MYO15A: variants seen among roughly 807,000 people sequenced by gnomAD.
MYO15A encodes the protein unconventional myosin-XV.
MYO15A carries 308 observed loss-of-function variants against 394.6 expected under a neutral mutation model. That is an observed-to-expected ratio of 0.78 (90% CI 0.71 to 0.86). MYO15A has a LOEUF of 0.86. Ranked by LOEUF, MYO15A falls within the 40% of genes least tolerant of loss-of-function variation. The probability of loss-of-function intolerance (pLI) is 0.00; values close to 1 mark genes in which losing one functional copy is unlikely to be tolerated. For missense variants in MYO15A, 4,606 were observed against 4,799.1 expected, an observed-to-expected ratio of 0.96 and a Z score of 1.19; for synonymous variants, 1,957 against 2,003.8, an observed-to-expected ratio of 0.98 and a Z score of 0.62.
chr17:18,124,450 AACCTGCAG>A, intron 2 of MYO15A, 25 bp from the exon 3 acceptor site: 1 of 1,603,496 alleles, frequency 6.2e-7, no homozygotes, highest in Non-Finnish European at 8.5e-7. Flanking sequence ...GGTGCCCTTC[AACCTGCAG>A]ACACAGCCTC....
Position 18,145,954 on chromosome 17 carries a change from C to T in MYO15A, c.6356C>T (p.Ala2119Val), listed in dbSNP as rs370756193. 36 of 1,613,740 alleles carry T rather than the reference C, an allele frequency of 2.2e-5. No individual in the cohort carries two copies. Among genetic ancestry groups the T allele is most frequent in the Middle Eastern group, 1.6e-4 (1 of 6,062 alleles). Reference sequence around the variant, plus strand: ...AACTACATCGTGCAGAAGGGGCTGGCGGTGCCTGAGCTGCGGGATGAGATC... The same window carrying T: ...AACTACATCGTGCAGAAGGGGCTGGTGGTGCCTGAGCTGCGGGATGAGATC... ...FGNYIVQKGL[A>V]VPELRDEILA... is the part of the protein sequence containing the mutation. Residue 2119 changes from alanine to valine, a missense_variant, in exon 30 of 66, where the codon GCG becomes GTG. This residue lies in a region of MYO15A where 2,776 missense variants were observed against 3,109.3 expected (regional missense o/e 0.89). Transcript: ENST00000647165.
intron 2 of MYO15A, 117 bp from the exon 3 acceptor site, chr17:18,124,366 G>T (rs576293283): frequency 2.0e-6 from 2 of 1,010,050 alleles, no homozygotes; most frequent in Non-Finnish European, 3.0e-6. Flanking sequence ...GGACCCACCT[G>T]GCCTTGGGGT....
chr17:18,147,938 G>A lies in MYO15A; in HGVS notation c.6510-91G>A, dbSNP rs2046507901. ...AGTAGCCTGGGCCTTTCTCAGACTA[G>A]CCTCAGAATTTCCTACCCCCACCCC... On this transcript the variant is annotated intron_variant, in intron 30 of 65. Transcript: ENST00000647165. This position sits in a 1 kb window ranked among gnomAD's most constrained non-coding sequence, Gnocchi z 4.4. The A allele has an allele frequency of 1.3e-6, 2 of 1,509,792 alleles. No individual in the cohort carries two copies. The highest frequency in any genetic ancestry group is 1.8e-6 in the Non-Finnish European group (2 of 1,088,494). 93.5% of individuals were successfully genotyped at this position (1,509,792 alleles called of 1,614,324 possible). A position where few individuals can be genotyped will look rare whatever the true frequency, so the allele number is the denominator to read the frequency against.
intron 7 of MYO15A, among the ~76,000 whole-genome samples, chr17:18,127,368 T>C (rs1330344523): frequency 6.6e-6 from 1 of 152,154 alleles, no homozygotes; most frequent in African/African-American, 2.4e-5. Context: ...CCTGTCTGTG[T>C]TTCTGTGGCA....
rs1209967697 is a variant in MYO15A, at chr17:18,120,186, C to T, written c.1386C>T (p.Gly462=). Residue 462 remains glycine, a synonymous_variant, in exon 2 of 66, where the codon GGC becomes GGT. Coordinates refer to ENST00000647165, the MANE Select transcript of MYO15A (RefSeq NM_016239.4). ...LPSAAFFEQQ[G]MDKPARSKLS... The stretch of plus-strand genomic sequence containing the variant: ...GCGCCGCCTTCTTCGAGCAGCAAGG[C>T]ATGGATAAGCCCGCCAGGTCCAAGC... The T allele has an allele frequency of 6.2e-7, 1 of 1,612,918 alleles. No individual in the cohort carries two copies. Among genetic ancestry groups the T allele is most frequent in the East Asian group, 2.2e-5 (1 of 44,880 alleles).
chr17:18,124,309 C>T, intron 2 of MYO15A, 174 bp from the exon 3 acceptor site: 1 of 691,790 alleles, frequency 1.4e-6, no homozygotes, highest in East Asian at 2.7e-5. Flanking sequence ...GTGAGGGTCG[C>T]ATGCAGGTTC....
chr17:18,151,916 C>T lies in MYO15A; in HGVS notation c.7858C>T (p.Gln2620Ter). Residue 2620 changes from glutamine (Q) to a stop codon, truncating the protein, a stop_gained, in exon 41 of 66, where the codon CAG becomes TAG. Transcript: ENST00000647165. LOFTEE classifies it high-confidence loss of function. ...GGAGGCCCTGATGATCCTGAAAGGGCAGATGACCCACCTGGCAGCTGCACC... is the reference window on the plus strand; with the variant it reads ...GGAGGCCCTGATGATCCTGAAAGGGTAGATGACCCACCTGGCAGCTGCACC... ...HEEALMILKG[Q>*]MTHLAAAPGT... is the part of the protein sequence containing the mutation. The T allele has an allele frequency of 6.4e-7, 1 of 1,567,610 alleles. No homozygotes were observed.
chr17:18,159,124 C>A, intron 53 of MYO15A, 127 bp downstream of exon 53: 1 of 1,383,910 alleles, frequency 7.2e-7, no homozygotes, highest in Non-Finnish European at 1.0e-6. Context: ...CTGATTCCCT[C>A]CCAAGGACAG....
At chr17:18,146,480 T>C (rs2046482983) in intron 30 of MYO15A, among the ~76,000 whole-genome samples, 1 of 152,238 alleles carries the variant, frequency 6.6e-6, no homozygotes, top group Non-Finnish European at 1.5e-5. Flanking sequence ...CAGCCATATA[T>C]GAGCTGTGTG....
In MYO15A at chr17:18,144,718, G is replaced by C. The variant is rs544656427; in HGVS notation, c.6273+126G>C. ...ATGAGCCCCACACCTCTTCCCCAAA[G>C]GACAGACTTTTATGTCAGAGGGGGA... On this transcript the variant is annotated intron_variant, in intron 29 of 65. Coordinates refer to ENST00000647165, the MANE Select transcript of MYO15A (RefSeq NM_016239.4). The C allele has an allele frequency of 4.8e-4, 406 of 850,296 alleles. 2 individuals are homozygous for C. Among genetic ancestry groups the C allele is most frequent in the Middle Eastern group, 4.0e-3 (12 of 2,972 alleles). The allele number at this position is 850,296 out of a possible 1,614,324, so 52.7% of individuals were successfully genotyped here. A position where few individuals can be genotyped will look rare whatever the true frequency, so the allele number is the denominator to read the frequency against.
Position 18,121,589 on chromosome 17 carries a change from A to T in MYO15A, c.2789A>T (p.Asp930Val). 1 of 1,598,746 alleles carries T rather than the reference A, an allele frequency of 6.3e-7. No homozygotes were observed. The highest frequency in any genetic ancestry group is 1.1e-5 in the South Asian group (1 of 88,680). The part of the protein sequence containing the change: ...WTVPPLAPSW[D>V]VDMPPTQRPP... ...GTGCCCCCACTGGCCCCCAGCTGGG[A>T]CGTGGACATGCCTCCCACCCAACGC... is the stretch of plus-strand genomic sequence containing the variant. Residue 930 changes from aspartate (D) to valine (V), a missense_variant, in exon 2 of 66, where the codon GAC becomes GTC. Asp to Val is a radical substitution (Grantham distance 152). Around this residue, in one of 2 missense-constraint regions of MYO15A, gnomAD observed 1,830 missense variants for 1,689.7 expected, o/e 1.08. Coordinates refer to ENST00000647165, the MANE Select transcript of MYO15A (RefSeq NM_016239.4). This position sits in a 1 kb window ranked among gnomAD's most constrained non-coding sequence, Gnocchi z 5.3.
chr17:18,149,128 GC>G, intron 33 of MYO15A, 87 bp from the exon 34 acceptor site: 2 of 1,550,560 alleles, frequency 1.3e-6, no homozygotes, highest in African/African-American at 2.7e-5. Flanking sequence ...AATGGAGAAA[GC>G]CACTGAATAC....
At chr17:18,126,973 G>C in intron 6 of MYO15A, 102 bp from the exon 7 acceptor site, 1 of 1,595,728 alleles carries the variant, frequency 6.3e-7, no homozygotes. Context: ...GTACCTCTGG[G>C]TTGGCCCACC....
In MYO15A at chr17:18,148,972, C is replaced by T. The variant is rs1004885261; in HGVS notation, c.6956+20C>T. On this transcript the variant is annotated intron_variant, in intron 33 of 65. Transcript: ENST00000647165. The surrounding 1 kb of genome is among the most constrained non-coding windows in gnomAD (Gnocchi z 4.8). ...CAAAGTGTAGGTAGCTATGGGGGACCCCCTCACAGATGGCCACTCCCAGGC... is the reference window on the plus strand; with the variant it reads ...CAAAGTGTAGGTAGCTATGGGGGACTCCCTCACAGATGGCCACTCCCAGGC... 19 of 1,568,946 alleles carry T rather than the reference C, an allele frequency of 1.2e-5. No homozygotes were observed. The highest frequency in any genetic ancestry group is 1.4e-5 in the Non-Finnish European group (16 of 1,157,480).
intron 59 of MYO15A, 122 bp downstream of exon 59, chr17:18,163,443 A>G: frequency 9.4e-7 from 1 of 1,059,478 alleles, no homozygotes; most frequent in Non-Finnish European, 1.4e-6. Context: ...GCTCTCCCAC[A>G]GCCCCACAAG....
Position 18,132,569 on chromosome 17 carries a change from G to A in MYO15A, c.4320+3G>A, listed in dbSNP as rs558903154. On this transcript the variant is annotated splice_donor_region_variant and intron_variant, in intron 11 of 65. Coordinates refer to ENST00000647165, the MANE Select transcript of MYO15A (RefSeq NM_016239.4). The surrounding 1 kb of genome is among the most constrained non-coding windows in gnomAD (Gnocchi z 4.6). ...AGACCTACTACTATCTGAACCAGGT[G>A]AGTGCCAGCAGGCATCTGAAGGCCC... is the stretch of plus-strand genomic sequence containing the variant. 5 of 1,609,722 alleles carry A rather than the reference G, an allele frequency of 3.1e-6. No homozygotes were observed. The African/African-American group carries it at 6.7e-5, about 21-fold the overall frequency.
chr17:18,134,417 T>C (rs996577309), intron 12 of MYO15A, among the ~76,000 whole-genome samples: 5 of 152,272 alleles, frequency 3.3e-5, no homozygotes, highest in African/African-American at 4.8e-5. Flanking sequence ...CTTCCTAAAA[T>C]TGTAACAGCC....
intron 1 of MYO15A, among the ~76,000 whole-genome samples, chr17:18,115,786 G>A (rs1368556076): frequency 6.6e-6 from 1 of 151,968 alleles, no homozygotes; most frequent in Non-Finnish European, 1.5e-5. Flanking sequence ...CTGCCCTCCA[G>A]CCACCTGGCC....
chr17:18,145,914 G>T lies in MYO15A; in HGVS notation c.6316G>T (p.Glu2106Ter). 1 of 1,613,592 alleles carries T rather than the reference G, an allele frequency of 6.2e-7. No individual in the cohort carries two copies. Among genetic ancestry groups the T allele is most frequent in the Non-Finnish European group, 8.5e-7 (1 of 1,180,026 alleles). Reference protein sequence around the residue: ...MGDPHLHGARENIFGNYIVQK... With the variant: ...MGDPHLHGAR ...CGACCCCCACCTGCATGGTGCCCGG[G>T]AGAACATCTTCGGGAACTACATCGT... Residue 2106 changes from glutamate to a stop codon, truncating the protein, a stop_gained, in exon 30 of 66, where the codon GAG becomes TAG. Transcript: ENST00000647165. LOFTEE classifies it high-confidence loss of function.
Sources: allele counts gnomAD v4.1 joint callset (sites outside exome capture counted in the v4.1 genomes callset), GRCh38; gene constraint gnomAD v4.1.1; regional missense constraint gnomAD v4.1.1; non-coding constraint Gnocchi (gnomAD v3.1); transcripts MANE v1.5; gene names NCBI Gene and HGNC (gene_info 2026-07-23, HGNC 2026-07-21).